CLUAP1: variants seen among roughly 807,000 people sequenced by gnomAD.
The protein encoded by CLUAP1 is clusterin-associated protein 1.
Under a neutral mutation model 55.0 loss-of-function variants are expected in CLUAP1, and 50 were observed. The observed-to-expected ratio is 0.91, with a 90% CI of 0.72 to 1.15. The LOEUF (loss-of-function observed/expected upper bound fraction) is 1.15, where lower values mean the gene tolerates loss of function less well. Ranked by LOEUF, CLUAP1 falls within the 50% of genes most tolerant of loss-of-function variation. The pLI is 0.00. For missense variants in CLUAP1, 530 were observed against 507.6 expected (o/e 1.04, Z -0.42); for synonymous variants, 195 against 175.4 (o/e 1.11, Z -0.88).
rs2037802498 is a variant in CLUAP1 at position 3,519,993 on chromosome 16, C to G, written c.670C>G (p.Leu224Val). ...EAKIEKRKLE[L>V]ERNRKRLETL... ...CAAAATCGAAAAGAGAAAATTAGAA[C>G]TGGAAAGAAATCGGAAGCGACTAGA... is the stretch of plus-strand genomic sequence containing the variant. Residue 224 changes from leucine to valine, a missense_variant, in exon 7 of 12, where the codon CTG (leucine) becomes GTG (valine). Physicochemically the swap from Leu to Val is conservative, Grantham distance 32. Transcript: ENST00000576634. The G allele has an allele frequency of 1.9e-6, 3 of 1,613,576 alleles. No individual in the cohort carries two copies. The African/African-American group carries it at 4.0e-5, about 22-fold the overall frequency.
At chr16:3,519,847 A>T in intron 6 of CLUAP1, 56 bp from the exon 7 acceptor site, 1 of 1,531,686 alleles carries the variant, frequency 6.5e-7, no homozygotes, top group Non-Finnish European at 8.7e-7. Context: ...TTCTTCTAAG[A>T]ATTAGGATGG....
chr16:3,509,669 C>T (rs1332097330), intron 4 of CLUAP1, among the ~76,000 whole-genome samples: 1 of 152,204 alleles, frequency 6.6e-6, no homozygotes, highest in Non-Finnish European at 1.5e-5. Context: ...GCTGGGAGTG[C>T]ACCTAAGAGT....
intron 11 of CLUAP1, chr16:3,533,285 G>A: frequency 1.4e-6 from 1 of 719,480 alleles, no homozygotes; most frequent in East Asian, 2.7e-5. Flanking sequence ...GAGATCCTGT[G>A]GTGACAGCGG....
At chr16:3,498,809 G>A (rs1423653426), upstream of CLUAP1, among the ~76,000 whole-genome samples, 2 of 152,006 alleles carry the variant, frequency 1.3e-5, no homozygotes, top group Non-Finnish European at 1.5e-5. Context: ...GCAGTGAGCC[G>A]AGATCGCACC....
intron 7 of CLUAP1, among the ~76,000 whole-genome samples, chr16:3,520,331 C>G (rs1419480830): frequency 6.6e-6 from 1 of 151,976 alleles, no homozygotes; most frequent in Non-Finnish European, 1.5e-5. Context: ...ATGGTTGCAT[C>G]ACTGCACTCC....
chr16:3,500,988 A>G (rs1436659970), upstream of CLUAP1: 1 of 1,446,706 alleles, frequency 6.9e-7, no homozygotes, highest in Non-Finnish European at 9.5e-7. Flanking sequence ...ATTGGTTGCC[A>G]TAGAGATCGT....
chr16:3,525,153 G>T (rs73503365), intron 8 of CLUAP1, among the ~76,000 whole-genome samples: 300 of 152,332 alleles, frequency 2.0e-3, no homozygotes, highest in African/African-American at 6.9e-3. Flanking sequence ...TGGAGAAATG[G>T]TACGGGACAG....
chr16:3,535,579 C>CT (rs919878941), intron 11 of CLUAP1: 2,158 of 148,364 alleles, frequency 0.015, 127 homozygotes, highest in Admixed American at 0.11. Context: ...TCTTTTTTTT[C>CT]TTTTTTTTTT....
chr16:3,521,085 C>T (rs983222875), intron 7 of CLUAP1, among the ~76,000 whole-genome samples: 7 of 152,116 alleles, frequency 4.6e-5, no homozygotes, highest in East Asian at 1.9e-4. Context: ...CCACAGGGAG[C>T]GCCCTGGCTC....
Position 3,519,799 on chromosome 16 carries a change from G to T in CLUAP1, c.580-104G>T, listed in dbSNP as rs1238753948. ...TGTCTATTTGTTTGCTTTTGTGTTTGTTGAGCATAATGTTGCTATGCCTGA... is the reference window on the plus strand; with the variant it reads ...TGTCTATTTGTTTGCTTTTGTGTTTTTTGAGCATAATGTTGCTATGCCTGA... On this transcript the variant is annotated intron_variant, in intron 6 of 11. Transcript: ENST00000576634. 6.9e-6 allele frequency: 8 copies of T among 1,154,558 alleles called. No individual in the cohort carries two copies. The African/African-American group carries it at 1.3e-4, about 18-fold the overall frequency. The allele number at this position is 1,154,558 out of a possible 1,614,324, so 71.5% of individuals were successfully genotyped here.
At position 3,530,616 on chromosome 16, in the gene CLUAP1, G is replaced by T. The variant is rs1445616071; in HGVS notation, c.977G>T (p.Ser326Ile). 1 of 1,613,970 alleles carries T rather than the reference G, an allele frequency of 6.2e-7. No homozygotes were observed. Among genetic ancestry groups the T allele is most frequent in the African/African-American group, 1.3e-5 (1 of 74,924 alleles). Residue 326 changes from serine (S) to isoleucine (I), a missense_variant, in exon 10 of 12, where the codon AGT (serine) becomes ATT (isoleucine). Transcript: ENST00000576634. Reference sequence around the variant, plus strand: ...ATCCAGGAGGACGATGAATCCGACAGTGAGTTGGAAGAAAGGCGGCTGCCC... The same window carrying T: ...ATCCAGGAGGACGATGAATCCGACATTGAGTTGGAAGAAAGGCGGCTGCCC... ...IDIQEDDESD[S>I]ELEERRLPKP...
chr16:3,498,887 C>A (rs576560245), upstream of CLUAP1, among the ~76,000 whole-genome samples: 5 of 142,436 alleles, frequency 3.5e-5, no homozygotes, highest in Admixed American at 7.0e-5. Context: ...AACAAACAAA[C>A]AACAACAACA....
At chr16:3,531,205 C>T (rs180796159) in intron 10 of CLUAP1, among the ~76,000 whole-genome samples, 16 of 152,126 alleles carry the variant, frequency 1.1e-4, no homozygotes, top group East Asian at 3.9e-4. Flanking sequence ...CATTCCGGCC[C>T]GGGCAACATA....
chr16:3,528,898 G>C (rs781096990), intron 9 of CLUAP1, among the ~76,000 whole-genome samples: 14 of 152,112 alleles, frequency 9.2e-5, no homozygotes, highest in Non-Finnish European at 1.6e-4. Flanking sequence ...AATTTTAATT[G>C]TCACTGTCAG....
chr16:3,510,805 G>C (rs1224060196), intron 4 of CLUAP1, among the ~76,000 whole-genome samples: 1 of 152,228 alleles, frequency 6.6e-6, no homozygotes, highest in Non-Finnish European at 1.5e-5. Context: ...GGATGAAGTT[G>C]CCATGTACTG....
chr16:3,530,621 T>C lies in CLUAP1; in HGVS notation c.982T>C (p.Leu328=). The change falls in exon 10 of 12, where the codon TTG becomes CTG. Residue 328 remains leucine (L), a synonymous_variant. Transcript: ENST00000576634. ...IQEDDESDSE[L]EERRLPKPQT... ...GGAGGACGATGAATCCGACAGTGAG[T>C]TGGAAGAAAGGCGGCTGCCCAAGCC... 3.7e-6 allele frequency: 6 copies of C among 1,613,884 alleles called. No individual in the cohort carries two copies. The highest frequency in any genetic ancestry group is 5.1e-6 in the Non-Finnish European group (6 of 1,179,964).
At chr16:3,531,791 A>G (rs1412212264) in intron 10 of CLUAP1, among the ~76,000 whole-genome samples, 21 of 152,160 alleles carry the variant, frequency 1.4e-4, no homozygotes. Context: ...GTTTTTAAAA[A>G]TTAAGTACAA....
chr16:3,504,703 T>C lies in CLUAP1; in HGVS notation c.23-17T>C, dbSNP rs769096900. The C allele has an allele frequency of 4.4e-6, 6 of 1,377,386 alleles. No homozygotes were observed. The highest frequency in any genetic ancestry group is 6.2e-6 in the Non-Finnish European group (6 of 963,876). 85.3% of individuals were successfully genotyped at this position (1,377,386 alleles called of 1,614,324 possible). On this transcript the variant is annotated splice_polypyrimidine_tract_variant and intron_variant, in intron 1 of 11. Coordinates refer to ENST00000576634, the MANE Select transcript of CLUAP1 (RefSeq NM_015041.3). ...GTGTGATGGGGAACTGAATGAATTG[T>C]ATTTTTCCTTGGACAGATTTCACAG...
At position 3,536,320 on chromosome 16, in the gene CLUAP1, T is replaced by TAA. The variant is rs758106510; in HGVS notation, c.*51_*52dup. ...AGATTAAAACCCTCAGACTTGTAGG[T>TAA]AAATGGGAACTTAGAAGGTTAGGAA... On this transcript the variant is annotated 3_prime_UTR_variant, in exon 12 of 12. Coordinates refer to ENST00000576634, the MANE Select transcript of CLUAP1 (RefSeq NM_015041.3). The TAA allele has an allele frequency of 6.3e-7, 1 of 1,590,212 alleles. No individual in the cohort carries two copies. Among genetic ancestry groups the TAA allele is most frequent in the African/African-American group, 1.3e-5 (1 of 74,128 alleles).
Sources: allele counts gnomAD v4.1 joint callset (sites outside exome capture counted in the v4.1 genomes callset), GRCh38; gene constraint gnomAD v4.1.1; transcripts MANE v1.5; gene names NCBI Gene and HGNC (gene_info 2026-07-23, HGNC 2026-07-21).